Variants in COL18A1 observed in about 807,000 individuals in gnomAD.
COL18A1 encodes the protein collagen type XVIII alpha 1 chain.
Under a neutral mutation model 168.0 loss-of-function variants are expected in COL18A1, and 133 were observed. The ratio of observed to expected loss-of-function variants is 0.79; its 90% CI spans 0.69 to 0.91. COL18A1 has a LOEUF of 0.91. Among genes scored for constraint, COL18A1 ranks in the 40% least tolerant of loss-of-function variants. The probability of loss-of-function intolerance (pLI) is 0.00; values close to 1 mark genes in which losing one functional copy is unlikely to be tolerated. For missense variants in COL18A1, 2,126 were observed against 1,925.4 expected (o/e 1.10, Z -1.95); for synonymous variants, 949 against 809.0 (o/e 1.17, Z -2.94).
chr21:45,493,188 T>A lies in COL18A1; in HGVS notation c.2240T>A (p.Leu747Gln), dbSNP rs2036419358. Residue 747 changes from leucine (L) to glutamine (Q), a missense_variant, in exon 25 of 42, where the codon CTG becomes CAG. Transcript: ENST00000651438. ...GGACCTGCAGGACCCAAGGGCAACC[T>A]GGGCTCTAAGGGCGAACGAGGCTCC... ...FPGPAGPKGN[L>Q]GSKGERGSPG... 1 of 1,562,906 alleles carries A rather than the reference T, an allele frequency of 6.4e-7. No individual in the cohort carries two copies. Among genetic ancestry groups the A allele is most frequent in the East Asian group, 2.4e-5 (1 of 41,956 alleles).
chr21:45,424,877 C>T (rs2033741743), intron 2 of COL18A1: 3 of 152,354 alleles, frequency 2.0e-5, no homozygotes, highest in Admixed American at 2.0e-4. Flanking sequence ...GCCTCTTTCT[C>T]CCAGACCTGA....
rs28484800 is a variant in COL18A1, at chr21:45,418,660, A to G, written c.106+13187A>G. On this transcript the variant is annotated intron_variant, in intron 2 of 41. Coordinates refer to ENST00000651438, the MANE Select transcript of COL18A1 (RefSeq NM_001379500.1). ...CCACAGCCCGCCCTCCTTGGCTCAC[A>G]TCTCTTCCTGGGGTCTCAGGGAAGC... 1.9e-3 allele frequency among the ~76,000 whole-genome samples: 82 copies of G among 43,204 alleles called. No homozygotes were observed. The South Asian group carries it at 0.054, about 29-fold the overall frequency. 28.3% of individuals were successfully genotyped at this position (43,204 alleles called of 152,430 possible).
At chr21:45,451,262 C>T (rs1186921465) in intron 2 of COL18A1, among the ~76,000 whole-genome samples, 3 of 152,242 alleles carry the variant, frequency 2.0e-5, no homozygotes, top group African/African-American at 7.2e-5. Context: ...AGAGGAGACC[C>T]ATTTTCTCAT....
chr21:45,496,940 A>G (rs977992660), intron 30 of COL18A1, 110 bp from the exon 31 acceptor site: 4 of 760,602 alleles, frequency 5.3e-6, no homozygotes, highest in South Asian at 4.2e-5. Flanking sequence ...GGAGGCTGCT[A>G]TGTGGCCTCA....
chr21:45,445,736 A>G (rs1308518073), intron 2 of COL18A1, among the ~76,000 whole-genome samples: 2 of 151,998 alleles, frequency 1.3e-5, no homozygotes, highest in Non-Finnish European at 2.9e-5. Context: ...TTTCTTGGCG[A>G]TCTGTATTTC....
intron 2 of COL18A1, among the ~76,000 whole-genome samples, chr21:45,418,700 G>T: frequency 1.3e-5 from 2 of 150,332 alleles, no homozygotes; most frequent in Non-Finnish European, 1.5e-5. Context: ...CCTCCTCAGG[G>T]GCCTCCCAGC....
At position 45,421,446 on chromosome 21, in the gene COL18A1, T is replaced by G. The variant is rs754649876; in HGVS notation, c.106+15973T>G. On this transcript the variant is annotated intron_variant, in intron 2 of 41. Coordinates refer to ENST00000651438, the MANE Select transcript of COL18A1 (RefSeq NM_001379500.1). Reference sequence around the variant, plus strand: ...GGAAGTGTTGGGGGCTGTGTTGCAGTGACAGCCCTGGCGTCTCAGGAGCGG... The same window carrying G: ...GGAAGTGTTGGGGGCTGTGTTGCAGGGACAGCCCTGGCGTCTCAGGAGCGG... The G allele has an allele frequency of 1.5e-5, 8 of 534,408 alleles. No individual in the cohort carries two copies. In the African/African-American group the frequency reaches 1.5e-4, roughly 10 times the overall value. The allele number at this position is 534,408 out of a possible 1,614,324, so 33.1% of individuals were successfully genotyped here.
At position 45,438,658 on chromosome 21, in the gene COL18A1, G is replaced by A. The variant is rs113655080; in HGVS notation, c.107-29584G>A. On this transcript the variant is annotated intron_variant, in intron 2 of 41. Transcript: ENST00000651438. ...GAGGCTAAGACCCCATTTGCACTGA[G>A]CCCTTCCATGGCTGTTCAACTCTGA... 4.5e-3 allele frequency among the ~76,000 whole-genome samples: 678 copies of A among 152,344 alleles called. 4 individuals are homozygous for A. The highest frequency in any genetic ancestry group is 8.0e-3 in the Non-Finnish European group (546 of 68,032).
At chr21:45,437,518 A>ACT (rs1555972536) in intron 2 of COL18A1, among the ~76,000 whole-genome samples, 34 of 3,170 alleles carry the variant, frequency 0.011, no homozygotes, top group Non-Finnish European at 0.018. Context: ...TCCTGCACAC[A>ACT]CACACTCAGA....
chr21:45,432,831 T>G (rs2033999136), intron 2 of COL18A1, among the ~76,000 whole-genome samples: 1 of 152,194 alleles, frequency 6.6e-6, no homozygotes, highest in Non-Finnish European at 1.5e-5. Flanking sequence ...GCCAGCCCTG[T>G]GCAGGCCTCC....
chr21:45,488,539 TC>T (rs2036193783), intron 18 of COL18A1, 95 bp downstream of exon 18: 1 of 1,571,298 alleles, frequency 6.4e-7, no homozygotes, highest in Non-Finnish European at 8.7e-7. Context: ...CCTCGGGTTT[TC>T]TGATGGCAGG....
At chr21:45,417,301 G>A (rs2033475456) in intron 2 of COL18A1, among the ~76,000 whole-genome samples, 1 of 152,176 alleles carries the variant, frequency 6.6e-6, no homozygotes, top group Admixed American at 6.5e-5. Context: ...GATACGAATG[G>A]CACCGGCTTG....
In COL18A1 at chr21:45,473,343, A is replaced by G. The variant is rs935660005; in HGVS notation, c.652-552A>G. Among the ~76,000 whole-genome samples the G allele has an allele frequency of 2.6e-5, 4 of 152,178 alleles. No homozygotes were observed. The highest frequency in any genetic ancestry group is 9.6e-5 in the African/African-American group (4 of 41,460). On this transcript the variant is annotated intron_variant, in intron 3 of 41. Transcript: ENST00000651438. This position sits in a 1 kb window ranked among gnomAD's most constrained non-coding sequence, Gnocchi z 4.0. ...GTGAGTGAGATTGGGTCCGGACGGA[A>G]TGGGCGCAGAGATCCAGGAAACTCC...
intron 32 of COL18A1, among the ~76,000 whole-genome samples, chr21:45,501,437 C>T (rs963463195): frequency 1.3e-5 from 2 of 151,954 alleles, no homozygotes; most frequent in Admixed American, 1.3e-4. Context: ...TGAAAGCAGG[C>T]CTGGCTTCCA....
At chr21:45,430,123 G>A (rs115430247) in intron 2 of COL18A1, among the ~76,000 whole-genome samples, 4,316 of 124,260 alleles carry the variant, frequency 0.035, 164 homozygotes, top group African/African-American at 0.12. Flanking sequence ...GGGACCCCCC[G>A]TCTCCCTAGC....
intron 2 of COL18A1, among the ~76,000 whole-genome samples, chr21:45,418,213 C>T (rs149466395): frequency 1.7e-3 from 265 of 152,342 alleles, no homozygotes; most frequent in Admixed American, 6.9e-3. Flanking sequence ...CAGCGCTGAG[C>T]GGAGCTGGCC....
chr21:45,425,893 CCTT>C lies in COL18A1; in HGVS notation c.106+20424_106+20426del, dbSNP rs1009867013. ...CTTCATTCTGACTTCGGCCGGCTGT[CCTT>C]CTTGCCCAAAGCACCGTGAGGCCTC... On this transcript the variant is annotated intron_variant, in intron 2 of 41. Coordinates refer to ENST00000651438, the MANE Select transcript of COL18A1 (RefSeq NM_001379500.1). This position sits in a 1 kb window ranked among gnomAD's most constrained non-coding sequence, Gnocchi z 4.1. Among the ~76,000 whole-genome samples the C allele has an allele frequency of 6.6e-5, 10 of 152,298 alleles. No individual in the cohort carries two copies. The highest frequency in any genetic ancestry group is 1.3e-4 in the Admixed American group (2 of 15,298).
intron 2 of COL18A1, among the ~76,000 whole-genome samples, chr21:45,434,788 GC>G (rs2034056240): frequency 6.7e-6 from 1 of 149,124 alleles, no homozygotes; most frequent in Admixed American, 6.6e-5. Flanking sequence ...CCGGTGGGTT[GC>G]AGCCCCCAGA....
rs200354859 is a variant in COL18A1 at position 45,455,701 on chromosome 21, A to G, written c.107-12541A>G. 1.6e-3 allele frequency: 2,508 copies of G among 1,613,994 alleles called. 3 individuals are homozygous for G. The highest frequency in any genetic ancestry group is 2.0e-3 in the Non-Finnish European group (2,374 of 1,179,992). On this transcript the variant is annotated intron_variant, in intron 2 of 41. Transcript: ENST00000651438. ...AGGGGCCCCTGCCTGTGCAGCCCAC[A>G]GCAGATACCACCACACACGTGACCC...
Sources: gnomAD v4.1 joint callset for allele counts (sites outside exome capture counted in the v4.1 genomes callset) on GRCh38, gnomAD v4.1.1 for gene constraint, Gnocchi (gnomAD v3.1) non-coding constraint, MANE v1.5 for transcripts, NCBI Gene and HGNC (gene_info 2026-07-23, HGNC 2026-07-21) for gene names.